GPC6: variants seen among roughly 807,000 people sequenced by gnomAD.
GPC6 encodes the protein glypican-6.
A neutral mutation model predicts 55.2 loss-of-function variants in GPC6; 14 were observed. That is an observed-to-expected ratio of 0.25 (90% confidence interval 0.17 to 0.40). The LOEUF (loss-of-function observed/expected upper bound fraction) is 0.40. Among genes scored for constraint, GPC6 ranks in the 10% least tolerant of loss-of-function variants. GPC6 has a pLI of 1.00. For synonymous variants in GPC6, 278 were observed against 259.6 expected (o/e 1.07, Z -0.68); for missense variants, 641 against 708.5 (o/e 0.90, Z 1.08).
intron 6 of GPC6, among the ~76,000 whole-genome samples, chr13:94,330,024 A>G (rs1877327966): frequency 6.6e-6 from 1 of 152,188 alleles, no homozygotes. Flanking sequence ...TGTTGCTTTC[A>G]TGAAGAAATA....
At chr13:93,490,181 C>A (rs201052128) in intron 1 of GPC6, among the ~76,000 whole-genome samples, 1 of 151,422 alleles carries the variant, frequency 6.6e-6, no homozygotes, top group Non-Finnish European at 1.5e-5. Flanking sequence ...GCACGAAGGG[C>A]TGTTGAATTT....
At chr13:94,310,321 G>A (rs990340666) in intron 6 of GPC6, among the ~76,000 whole-genome samples, 3 of 152,074 alleles carry the variant, frequency 2.0e-5, no homozygotes, top group Admixed American at 2.0e-4. Context: ...CAACAAGTTG[G>A]TGATGACTTA....
At chr13:94,202,388 C>G (rs905939691) in intron 4 of GPC6, among the ~76,000 whole-genome samples, 5 of 152,132 alleles carry the variant, frequency 3.3e-5, no homozygotes, top group Non-Finnish European at 7.4e-5. Context: ...CAGTTCCACA[C>G]GGCTGGGGAA....
intron 2 of GPC6, among the ~76,000 whole-genome samples, chr13:93,576,371 G>A (rs1876665073): frequency 2.6e-5 from 4 of 152,080 alleles, no homozygotes; most frequent in African/African-American, 9.6e-5. Context: ...TAGAAGAAAG[G>A]AATTATAAGA....
chr13:93,555,429 C>T (rs1875410390), intron 2 of GPC6, among the ~76,000 whole-genome samples: 1 of 152,120 alleles, frequency 6.6e-6, no homozygotes, highest in African/African-American at 2.4e-5. Context: ...GCAACCTGTG[C>T]AGTCTCAAGG....
chr13:93,820,219 A>G (rs1886997531), intron 2 of GPC6, among the ~76,000 whole-genome samples: 1 of 152,162 alleles, frequency 6.6e-6, no homozygotes, highest in Non-Finnish European at 1.5e-5. Flanking sequence ...CATTGGAAAA[A>G]CATAAACTGG....
At position 93,933,525 on chromosome 13, in the gene GPC6, A is replaced by ATT. The variant is rs142727704; in HGVS notation, c.712-94195_712-94194dup. On this transcript the variant is annotated intron_variant, in intron 3 of 8. Coordinates refer to ENST00000377047, the MANE Select transcript of GPC6 (RefSeq NM_005708.5). ...GGGCCTCAGAGTTTCTTTTGCTTCC[A>ATT]TTTTTTTTTTCCATCTGGAAATAGG... 3.6e-4 allele frequency among the ~76,000 whole-genome samples: 54 copies of ATT among 149,042 alleles called. No homozygotes were observed. In the South Asian group the frequency reaches 0.01, roughly 29 times the overall value.
At chr13:94,168,997 A>G (rs773119386) in intron 4 of GPC6, among the ~76,000 whole-genome samples, 128 of 152,128 alleles carry the variant, frequency 8.4e-4, no homozygotes, top group Non-Finnish European at 1.6e-3. Flanking sequence ...GGTAAGTTCC[A>G]CTTATGACAA....
rs114271441 is a variant in GPC6, at chr13:93,272,063, G to A, written c.160+44447G>A. Among the ~76,000 whole-genome samples, 1,138 of 152,046 alleles carry A rather than the reference G, an allele frequency of 7.5e-3. 13 individuals carry two copies. The highest frequency in any genetic ancestry group is 0.026 in the African/African-American group (1,075 of 41,480). ...GTCATTTATTGAATATCAAGAGGTAGTTAATTTTTTTTTCGCTTGTATTAG... is the reference window on the plus strand; with the variant it reads ...GTCATTTATTGAATATCAAGAGGTAATTAATTTTTTTTTCGCTTGTATTAG... On this transcript the variant is annotated intron_variant, in intron 1 of 8. Coordinates refer to ENST00000377047, the MANE Select transcript of GPC6 (RefSeq NM_005708.5).
At position 94,380,810 on chromosome 13, in the gene GPC6, A is replaced by G. The variant is rs550333850; in HGVS notation, c.1153-1604A>G. 2.0e-5 allele frequency among the ~76,000 whole-genome samples: 3 copies of G among 152,312 alleles called. No homozygotes were observed. In the South Asian group the frequency reaches 6.2e-4, roughly 32 times the overall value. On this transcript the variant is annotated intron_variant, in intron 6 of 8. Transcript: ENST00000377047. ...TTATTGGCAATTATCCTTCTGACCT[A>G]GCATTTAGTCCAGAGCCCTCTGCTG... is the stretch of plus-strand genomic sequence containing the variant.
chr13:93,314,239 G>C (rs572627385), intron 1 of GPC6, among the ~76,000 whole-genome samples: 3 of 151,830 alleles, frequency 2.0e-5, no homozygotes, highest in Non-Finnish European at 2.9e-5. Flanking sequence ...ATAATACAAC[G>C]TAATGCATCA....
At chr13:93,376,625 T>C (rs1874910539) in intron 1 of GPC6, among the ~76,000 whole-genome samples, 2 of 152,212 alleles carry the variant, frequency 1.3e-5, no homozygotes, top group South Asian at 2.1e-4. Context: ...GACATGATTG[T>C]AAATGTTGGG....
At chr13:94,172,958 G>A (rs978366192) in intron 4 of GPC6, among the ~76,000 whole-genome samples, 3 of 152,160 alleles carry the variant, frequency 2.0e-5, no homozygotes, top group East Asian at 1.9e-4. Context: ...ACATGAGTAC[G>A]GAGCAGTGGT....
chr13:93,683,034 A>G (rs770221099), intron 2 of GPC6, among the ~76,000 whole-genome samples: 3 of 151,272 alleles, frequency 2.0e-5, no homozygotes, highest in Non-Finnish European at 2.9e-5. Flanking sequence ...AAACAAAAAG[A>G]AAAAGAAAAA....
chr13:93,681,352 T>C (rs1204131023), intron 2 of GPC6, among the ~76,000 whole-genome samples: 1 of 152,194 alleles, frequency 6.6e-6, no homozygotes, highest in Admixed American at 6.5e-5. Context: ...CTTTTGATAA[T>C]TCTGCTATTT....
At chr13:93,253,067 A>G (rs1176653121) in intron 1 of GPC6, among the ~76,000 whole-genome samples, 1 of 152,216 alleles carries the variant, frequency 6.6e-6, no homozygotes, top group Non-Finnish European at 1.5e-5. Context: ...TGTTTTATAT[A>G]GGTATATGTC....
At chr13:94,014,506 C>T (rs1418898027) in intron 3 of GPC6, among the ~76,000 whole-genome samples, 1 of 152,132 alleles carries the variant, frequency 6.6e-6, no homozygotes, top group Non-Finnish European at 1.5e-5. Flanking sequence ...TCTTTTTAAA[C>T]AGCTTTATCA....
chr13:94,040,653 G>A (rs564280324), intron 4 of GPC6, among the ~76,000 whole-genome samples: 2 of 151,978 alleles, frequency 1.3e-5, no homozygotes, highest in South Asian at 4.1e-4. Flanking sequence ...TCAAGCCTGA[G>A]AACGATGATT....
intron 3 of GPC6, among the ~76,000 whole-genome samples, chr13:94,003,805 A>C (rs2140427076): frequency 6.6e-6 from 1 of 152,264 alleles, no homozygotes; most frequent in Non-Finnish European, 1.5e-5. Flanking sequence ...TGTGACTCCA[A>C]ATTCAGAGGC....
Sources: gnomAD v4.1 joint callset for allele counts (sites outside exome capture counted in the v4.1 genomes callset) on GRCh38, gnomAD v4.1.1 for gene constraint, MANE v1.5 for transcripts, NCBI Gene and HGNC (gene_info 2026-07-23, HGNC 2026-07-21) for gene names.